BMS1: variants seen among roughly 807,000 people sequenced by gnomAD.
BMS1 encodes the protein ribosome biogenesis protein BMS1 homolog.
A neutral mutation model predicts 138.7 loss-of-function variants in BMS1; 53 were observed. The ratio of observed to expected loss-of-function variants is 0.38; its 90% CI spans 0.31 to 0.48. The LOEUF (loss-of-function observed/expected upper bound fraction) is 0.48. BMS1 is among the 20% of genes least tolerant of loss of function. The pLI is 0.97. For missense variants in BMS1, 1,360 were observed against 1,565.5 expected, an observed-to-expected ratio of 0.87 and a Z score of 2.22; for synonymous variants, 504 against 539.9, an observed-to-expected ratio of 0.93 and a Z score of 0.92.
Position 42,803,960 on chromosome 10 carries a change from T to C in BMS1, c.2329+1742T>C, listed in dbSNP as rs1841945432. Among the ~76,000 whole-genome samples the C allele has an allele frequency of 3.3e-5, 5 of 152,210 alleles. No homozygotes were observed. The South Asian group carries it at 8.3e-4, about 25-fold the overall frequency. On this transcript the variant is annotated intron_variant, in intron 13 of 22. Coordinates refer to ENST00000374518, the MANE Select transcript of BMS1 (RefSeq NM_014753.4). ...CCTTGTGTCACTATTCAGTAGGTTG[T>C]GCCCTTTAGAATTTAATTGAAATGG...
At chr10:42,803,735 G>A (rs1236497985) in intron 13 of BMS1, among the ~76,000 whole-genome samples, 8 of 152,114 alleles carry the variant, frequency 5.3e-5, no homozygotes, top group Non-Finnish European at 8.8e-5. Context: ...AGTGTGGTGG[G>A]TTTCTTTTTT....
intron 11 of BMS1, 65 bp from the exon 12 acceptor site, chr10:42,798,402 GA>G: frequency 6.3e-7 from 1 of 1,593,322 alleles, no homozygotes; most frequent in Non-Finnish European, 8.6e-7. Context: ...CTAACTGGTT[GA>G]AAATGATGAG....
chr10:42,813,648 C>CT (rs1164377456), intron 13 of BMS1, among the ~76,000 whole-genome samples: 1 of 152,146 alleles, frequency 6.6e-6, no homozygotes, highest in Admixed American at 6.6e-5. Flanking sequence ...CATTTCTGGT[C>CT]TTTCCTTTGT....
At chr10:42,804,670 A>G (rs1045371467) in intron 13 of BMS1, among the ~76,000 whole-genome samples, 3 of 151,944 alleles carry the variant, frequency 2.0e-5, no homozygotes, top group Non-Finnish European at 2.9e-5. Context: ...TCTATTTTTA[A>G]TAGTGTTTTT....
chr10:42,786,322 A>T (rs995172862), intron 3 of BMS1, among the ~76,000 whole-genome samples: 4 of 152,210 alleles, frequency 2.6e-5, no homozygotes, highest in Admixed American at 6.5e-5. Flanking sequence ...AATGAAACAA[A>T]CTTCCAGTGG....
At position 42,811,728 on chromosome 10, in the gene BMS1, T is replaced by C. The variant is rs1050752497; in HGVS notation, c.2330-4871T>C. On this transcript the variant is annotated intron_variant, in intron 13 of 22. Transcript: ENST00000374518. The stretch of plus-strand genomic sequence containing the variant: ...TTTAGTAGAGACGGGGTTTCACCGT[T>C]TTAGCCGGGATGGTCTCGATCTCCT... 3.7e-4 allele frequency among the ~76,000 whole-genome samples: 55 copies of C among 150,520 alleles called. 1 individual carries two copies. The highest frequency in any genetic ancestry group is 2.4e-4 in the Non-Finnish European group (16 of 67,640).
intron 21 of BMS1, among the ~76,000 whole-genome samples, 173 bp from the exon 22 acceptor site, chr10:42,830,088 A>G (rs1213937528): frequency 1.3e-5 from 2 of 152,166 alleles, no homozygotes; most frequent in Non-Finnish European, 2.9e-5. Context: ...GTGGGTGTCC[A>G]CTGAGGCAGT....
At chr10:42,805,859 G>C (rs900797469) in intron 13 of BMS1, among the ~76,000 whole-genome samples, 3 of 152,122 alleles carry the variant, frequency 2.0e-5, no homozygotes, top group African/African-American at 7.2e-5. Context: ...GAGTGCAGTG[G>C]CTTGATCTCA....
chr10:42,801,409 A>G (rs1350224583), intron 12 of BMS1, among the ~76,000 whole-genome samples: 2 of 152,198 alleles, frequency 1.3e-5, no homozygotes, highest in South Asian at 2.1e-4. Flanking sequence ...TTTCCCTTAT[A>G]TACTGTCTCA....
chr10:42,826,237 TTG>T (rs35886214), intron 21 of BMS1, among the ~76,000 whole-genome samples: 37,683 of 145,380 alleles, frequency 0.26, 4,809 homozygotes, highest in Admixed American at 0.31. Flanking sequence ...TTTTTGTTTG[TTG>T]TGTGTGTGTG....
At chr10:42,789,466 C>G (rs556881881) in intron 4 of BMS1, among the ~76,000 whole-genome samples, 2 of 152,204 alleles carry the variant, frequency 1.3e-5, no homozygotes, top group Non-Finnish European at 2.9e-5. Flanking sequence ...GTTTTTAATA[C>G]TTAAACTAGA....
At position 42,823,745 on chromosome 10, in the gene BMS1, T is replaced by A. The variant is rs1405555575; in HGVS notation, c.3417T>A (p.His1139Gln). 1.3e-6 allele frequency: 2 copies of A among 1,595,636 alleles called. No individual in the cohort carries two copies. The highest frequency in any genetic ancestry group is 3.3e-5 in the Admixed American group (2 of 59,876). The change falls in exon 21 of 23, where the codon CAT (histidine) becomes CAA (glutamine). Residue 1139 changes from histidine (H) to glutamine (Q), a missense_variant. Around this residue, in one of 3 missense-constraint regions of BMS1, gnomAD observed 425 missense variants for 568.3 expected, o/e 0.75. Transcript: ENST00000374518. ...CCACGGGCCAACTCAGGCTCGCCCA[T>A]GGCGTCAGACTAAAGGCGAACAAGG... ...MRTTGQLRLA[H>Q]GVRLKANKDS...
intron 1 of BMS1, 116 bp from the exon 2 acceptor site, chr10:42,784,246 A>G: frequency 1.3e-6 from 1 of 746,326 alleles, no homozygotes; most frequent in Non-Finnish European, 2.1e-6. Context: ...TTGTTCAGTG[A>G]ACAAATACAT....
intron 4 of BMS1, among the ~76,000 whole-genome samples, chr10:42,789,592 G>A (rs1589131506): frequency 6.8e-6 from 1 of 147,980 alleles, no homozygotes; most frequent in Non-Finnish European, 1.5e-5. Flanking sequence ...TAATCTTACT[G>A]TTTTTTTTTT....
chr10:42,826,699 G>A (rs72782050), intron 21 of BMS1, among the ~76,000 whole-genome samples: 4,502 of 152,338 alleles, frequency 0.03, 98 homozygotes, highest in Middle Eastern at 0.061. Context: ...ATTTTCCTGG[G>A]ACGTGGGGGT....
rs142052016 is a variant in BMS1, at chr10:42,796,744, A to G, written c.1500A>G (p.Ala500=). Residue 500 remains alanine, a synonymous_variant, in exon 10 of 23, where the codon GCA becomes GCG. Coordinates refer to ENST00000374518, the MANE Select transcript of BMS1 (RefSeq NM_014753.4). ...AAGACAGTGAAATGGATTTGCCAGC[A>G]TTTGCTGACAGTGACGATGACCTTG... ...LEEDSEMDLP[A]FADSDDDLER... 624 of 1,614,256 alleles carry G rather than the reference A, an allele frequency of 3.9e-4. No individual in the cohort carries two copies. The African/African-American group carries it at 7.5e-3, about 19-fold the overall frequency.
At chr10:42,788,244 TTGAAA>T (rs1460517697) in intron 4 of BMS1, among the ~76,000 whole-genome samples, 1 of 152,236 alleles carries the variant, frequency 6.6e-6, no homozygotes, top group Non-Finnish European at 1.5e-5. Context: ...TCTTGTATAC[TTGAAA>T]TGATTGAAAT....
intron 13 of BMS1, among the ~76,000 whole-genome samples, chr10:42,805,048 A>G (rs887286427): frequency 6.6e-6 from 1 of 152,166 alleles, no homozygotes; most frequent in Non-Finnish European, 1.5e-5. Flanking sequence ...TGTGCTTTTC[A>G]TAGTGCATGT....
chr10:42,798,675 T>G, intron 12 of BMS1, 50 bp downstream of exon 12: 1 of 1,596,144 alleles, frequency 6.3e-7, no homozygotes, highest in East Asian at 2.2e-5. Flanking sequence ...CGAATTGTTC[T>G]AGAATAAGAT....
Sources: allele counts gnomAD v4.1 joint callset (sites outside exome capture counted in the v4.1 genomes callset), GRCh38; gene constraint gnomAD v4.1.1; regional missense constraint gnomAD v4.1.1; transcripts MANE v1.5; gene names NCBI Gene and HGNC (gene_info 2026-07-23, HGNC 2026-07-21).